The following TENM3 variants were observed in gnomAD, a reference collection of about 807,000 sequenced individuals.
TENM3 encodes teneurin transmembrane protein 3.
Under a neutral mutation model 255.1 loss-of-function variants are expected in TENM3, and 63 were observed. The observed-to-expected ratio is 0.25, with a 90% CI of 0.20 to 0.30. The LOEUF is 0.30. Ranked by LOEUF, TENM3 falls within the 10% of genes least tolerant of loss-of-function variation. TENM3 has a pLI of 1.00. For missense variants in TENM3, 2,929 were observed against 3,461.1 expected (o/e 0.85, Z 3.86); for synonymous variants, 1,306 against 1,322.3 (o/e 0.99, Z 0.27).
the TENM3 span, among the ~76,000 whole-genome samples, chr4:182,027,712 C>A: frequency 0.032 from 4,791 of 152,018 alleles, 249 homozygotes; most frequent in African/African-American, 0.11. Context: ...TTTTAAGCAT[C>A]GGTTGAAATA....
Position 182,353,546 on chromosome 4 carries a change from TGATA to T in TENM3, c.511+6622_511+6625del, listed in dbSNP as rs1282415831. ...ATATATAAAAATAACTACATTGCCT[TGATA>T]GATATACATTTACAATTTCAATAGT... is the stretch of plus-strand genomic sequence containing the variant. On this transcript the variant is annotated intron_variant, in intron 3 of 27. Coordinates refer to ENST00000511685, the MANE Select transcript of TENM3 (RefSeq NM_001080477.4). Among the ~76,000 whole-genome samples the T allele has an allele frequency of 1.1e-4, 16 of 152,220 alleles. 1 individual carries two copies. Among genetic ancestry groups the T allele is most frequent in the Admixed American group, 9.8e-4 (15 of 15,286 alleles).
the TENM3 span, among the ~76,000 whole-genome samples, chr4:181,550,189 A>G: frequency 6.6e-6 from 1 of 152,198 alleles, no homozygotes; most frequent in Admixed American, 6.5e-5. Flanking sequence ...AGTAATGTTC[A>G]TGAGAAACAG....
At chr4:182,732,792 T>C (rs4353943) in intron 16 of TENM3, among the ~76,000 whole-genome samples, 8,040 of 152,226 alleles carry the variant, frequency 0.053, 318 homozygotes, top group African/African-American at 0.11. Flanking sequence ...GCCACTGCAC[T>C]CCAGCCTGGG....
At chr4:181,924,814 G>T in the TENM3 span, among the ~76,000 whole-genome samples, 1 of 152,090 alleles carries the variant, frequency 6.6e-6, no homozygotes, top group African/African-American at 2.4e-5. Flanking sequence ...TGGTCTGTTG[G>T]GGTTCTCTTC....
At chr4:182,676,468 A>G (rs1325080185) in intron 7 of TENM3, among the ~76,000 whole-genome samples, 1 of 151,930 alleles carries the variant, frequency 6.6e-6, no homozygotes, top group Non-Finnish European at 1.5e-5. Context: ...AAAGAGTTGG[A>G]TCAGATGATC....
At chr4:181,515,982 T>C in the TENM3 span, among the ~76,000 whole-genome samples, 2 of 152,188 alleles carry the variant, frequency 1.3e-5, no homozygotes, top group East Asian at 3.9e-4. Flanking sequence ...AAAGAAAATA[T>C]GGTACATATG....
intron 24 of TENM3, among the ~76,000 whole-genome samples, chr4:182,779,010 G>A (rs560651191): frequency 1.0e-4 from 12 of 119,728 alleles, no homozygotes; most frequent in Admixed American, 7.3e-4. Context: ...GACAGATTTT[G>A]TTACTGGTTT....
At chr4:182,381,012 T>C (rs1166492844) in intron 3 of TENM3, among the ~76,000 whole-genome samples, 1 of 152,216 alleles carries the variant, frequency 6.6e-6, no homozygotes, top group Non-Finnish European at 1.5e-5. Flanking sequence ...TCCTCTGTGC[T>C]AGCACAGGGC....
the TENM3 span, among the ~76,000 whole-genome samples, chr4:182,031,441 GT>G: frequency 7.9e-5 from 12 of 152,162 alleles, no homozygotes; most frequent in African/African-American, 2.9e-4. Context: ...GTACCATGCT[GT>G]TTTGGTTACT....
At chr4:181,783,663 C>A in the TENM3 span, among the ~76,000 whole-genome samples, 1 of 151,930 alleles carries the variant, frequency 6.6e-6, no homozygotes, top group African/African-American at 2.4e-5. Flanking sequence ...AAATATGTAG[C>A]TTTATCTTGC....
Position 182,751,920 on chromosome 4 carries a change from G to A in TENM3, c.3750G>A (p.Leu1250=), listed in dbSNP as rs780020582. The A allele has an allele frequency of 8.1e-6, 13 of 1,613,872 alleles. No individual in the cohort carries two copies. Among genetic ancestry groups the A allele is most frequent in the Non-Finnish European group, 9.3e-6 (11 of 1,179,872 alleles). ...AGTCACTTACGGGGGCAAAAGACTT[G>A]ACTAAAAATGCAGAAGTCGTCGCAG... is the stretch of plus-strand genomic sequence containing the variant. ...RPKSLTGAKD[L]TKNAEVVAGT... is the part of the protein sequence containing the mutation. Residue 1250 remains leucine (L), a synonymous_variant, in exon 20 of 28, where the codon TTG becomes TTA. Coordinates refer to ENST00000511685, the MANE Select transcript of TENM3 (RefSeq NM_001080477.4).
the TENM3 span, among the ~76,000 whole-genome samples, chr4:182,107,978 G>C: frequency 6.6e-6 from 1 of 152,114 alleles, no homozygotes; most frequent in Non-Finnish European, 1.5e-5. Flanking sequence ...CTTTGAATTT[G>C]TTTTGACATT....
the TENM3 span, among the ~76,000 whole-genome samples, chr4:181,727,593 C>G: frequency 6.6e-6 from 1 of 152,110 alleles, no homozygotes; most frequent in African/African-American, 2.4e-5. Context: ...TTTCTTTACC[C>G]TTAGAGAAAG....
chr4:182,477,344 C>A (rs976261467), intron 3 of TENM3, among the ~76,000 whole-genome samples: 1 of 151,670 alleles, frequency 6.6e-6, no homozygotes. Flanking sequence ...CACTGTCTTC[C>A]GTCTTTTGCC....
At chr4:182,768,435 A>G (rs1419125779) in intron 22 of TENM3, among the ~76,000 whole-genome samples, 1 of 152,176 alleles carries the variant, frequency 6.6e-6, no homozygotes. Flanking sequence ...CATCTACTGA[A>G]GATGTTTAAG....
At chr4:182,776,192 C>T (rs907350574) in intron 24 of TENM3, among the ~76,000 whole-genome samples, 11 of 152,150 alleles carry the variant, frequency 7.2e-5, no homozygotes, top group African/African-American at 2.7e-4. Context: ...GTAGGCGGAC[C>T]ACTTGAGGTC....
At chr4:182,778,012 G>A (rs1055334324) in intron 24 of TENM3, among the ~76,000 whole-genome samples, 1 of 152,076 alleles carries the variant, frequency 6.6e-6, no homozygotes, top group African/African-American at 2.4e-5. Flanking sequence ...AGGAAACTGT[G>A]ATAGAGATGT....
chr4:182,073,015 G>A, the TENM3 span, among the ~76,000 whole-genome samples: 3 of 152,226 alleles, frequency 2.0e-5, no homozygotes, highest in South Asian at 6.2e-4. Flanking sequence ...GTCAGGCCAT[G>A]TGTATTAATC....
At chr4:181,494,341 A>G in the TENM3 span, among the ~76,000 whole-genome samples, 2 of 152,066 alleles carry the variant, frequency 1.3e-5, no homozygotes, top group East Asian at 1.9e-4. Flanking sequence ...CTGGAGTGCA[A>G]TGGCGCAATC....
Sources: gnomAD v4.1 joint callset for allele counts (sites outside exome capture counted in the v4.1 genomes callset) on GRCh38, gnomAD v4.1.1 for gene constraint, MANE v1.5 for transcripts, NCBI Gene and HGNC (gene_info 2026-07-23, HGNC 2026-07-21) for gene names.